SENP7: variants seen among roughly 807,000 people sequenced by gnomAD.
The protein encoded by SENP7 is sentrin-specific protease 7.
A neutral mutation model predicts 141.2 loss-of-function variants in SENP7; 64 were observed. The observed-to-expected ratio is 0.45, with a 90% CI of 0.37 to 0.56. The LOEUF is 0.56. Among genes scored for constraint, SENP7 ranks in the 20% least tolerant of loss-of-function variants. SENP7 has a pLI of 0.00. For synonymous variants in SENP7, 382 were observed against 426.4 expected, an observed-to-expected ratio of 0.90 and a Z score of 1.28; for missense variants, 1,025 against 1,212.2, an observed-to-expected ratio of 0.85 and a Z score of 2.29.
At chr3:101,448,043 G>A (rs144556136) in intron 4 of SENP7, among the ~76,000 whole-genome samples, 51 of 152,188 alleles carry the variant, frequency 3.4e-4, no homozygotes, top group African/African-American at 1.2e-3. Context: ...AATATCCAAA[G>A]GCAAAAATAT....
At chr3:101,477,345 G>C (rs2064259266) in intron 3 of SENP7, among the ~76,000 whole-genome samples, 1 of 152,122 alleles carries the variant, frequency 6.6e-6, no homozygotes, top group Non-Finnish European at 1.5e-5. Context: ...TGAATGACCA[G>C]AGTCAGGGAA....
At chr3:101,348,168 G>GAAA in intron 12 of SENP7, 117 bp from the exon 13 acceptor site, 1 of 648,322 alleles carries the variant, frequency 1.5e-6, no homozygotes, top group South Asian at 4.3e-5. Context: ...GAATTATATA[G>GAAA]TTTTTTCAAA....
At chr3:101,378,033 G>T (rs2060384397) in intron 6 of SENP7, among the ~76,000 whole-genome samples, 1 of 151,784 alleles carries the variant, frequency 6.6e-6, no homozygotes. Flanking sequence ...AGCATAAATG[G>T]GTTAAAAGAC....
At chr3:101,511,184 C>A (rs1232937275) in intron 1 of SENP7, among the ~76,000 whole-genome samples, 19 of 152,080 alleles carry the variant, frequency 1.2e-4, no homozygotes, top group Admixed American at 1.2e-3. Context: ...ATATAACTAA[C>A]GTAAATATCA....
intron 12 of SENP7, among the ~76,000 whole-genome samples, chr3:101,350,730 AAAT>A (rs2059592158): frequency 6.6e-6 from 1 of 152,002 alleles, no homozygotes; most frequent in African/African-American, 2.4e-5. Flanking sequence ...ATCTTTTCTG[AAAT>A]TATCATCCCC....
At chr3:101,488,090 C>T (rs527841087) in intron 3 of SENP7, among the ~76,000 whole-genome samples, 5 of 152,232 alleles carry the variant, frequency 3.3e-5, no homozygotes, top group African/African-American at 9.6e-5. Flanking sequence ...CCAATCCACG[C>T]GCATGGATTG....
chr3:101,468,927 C>A (rs1487165279), intron 3 of SENP7, among the ~76,000 whole-genome samples: 1 of 151,908 alleles, frequency 6.6e-6, no homozygotes, highest in Non-Finnish European at 1.5e-5. Flanking sequence ...TGGATAGAGT[C>A]ACTGATGGGA....
intron 3 of SENP7, among the ~76,000 whole-genome samples, chr3:101,473,894 C>A (rs1430889198): frequency 1.3e-5 from 2 of 152,094 alleles, no homozygotes; most frequent in Non-Finnish European, 2.9e-5. Flanking sequence ...TAATCCATCT[C>A]GAGCTAATTT....
At chr3:101,490,092 G>A (rs2064902336) in intron 3 of SENP7, among the ~76,000 whole-genome samples, 1 of 151,858 alleles carries the variant, frequency 6.6e-6, no homozygotes, top group Admixed American at 6.6e-5. Flanking sequence ...GCTGTGGTGG[G>A]AGAAATCGCT....
At chr3:101,422,925 C>T (rs966794457) in intron 4 of SENP7, among the ~76,000 whole-genome samples, 1 of 152,138 alleles carries the variant, frequency 6.6e-6, no homozygotes, top group South Asian at 2.1e-4. Flanking sequence ...TCAATGAATA[C>T]ATAAACATGA....
intron 6 of SENP7, among the ~76,000 whole-genome samples, chr3:101,397,234 C>T (rs868495817): frequency 9.9e-5 from 15 of 152,142 alleles, no homozygotes; most frequent in African/African-American, 2.9e-4. Context: ...TGGGCTCAAG[C>T]GATCCTCCCA....
chr3:101,441,918 T>A (rs1294156794), intron 4 of SENP7, among the ~76,000 whole-genome samples: 1 of 152,122 alleles, frequency 6.6e-6, no homozygotes, highest in African/African-American at 2.4e-5. Flanking sequence ...CATAAGACAA[T>A]AAGGACCTTG....
At position 101,332,007 on chromosome 3, in the gene SENP7, G is replaced by A. The variant is rs534905420; in HGVS notation, c.2676C>T (p.Ser892=). The A allele has an allele frequency of 6.2e-7, 1 of 1,612,974 alleles. No homozygotes were observed. The highest frequency in any genetic ancestry group is 1.3e-5 in the African/African-American group (1 of 74,874). ...CACCTATTGTTTTGTTGTCATTTTG[G>A]GACTGCTGAGCCTGGGACTGCTGGG... ...TVSQQSQAQQ[S]QNDNKTIDND... Residue 892 remains serine (S), a synonymous_variant, in exon 19 of 24, where the codon TCC becomes TCT. Transcript: ENST00000394095.
At chr3:101,490,201 A>G (rs1253880850) in intron 3 of SENP7, among the ~76,000 whole-genome samples, 1 of 151,842 alleles carries the variant, frequency 6.6e-6, no homozygotes, top group Non-Finnish European at 1.5e-5. Context: ...AAAAACAAAC[A>G]AACAAACAAA....
At chr3:101,420,886 C>A (rs2061772570) in intron 4 of SENP7, among the ~76,000 whole-genome samples, 1 of 152,070 alleles carries the variant, frequency 6.6e-6, no homozygotes, top group Non-Finnish European at 1.5e-5. Flanking sequence ...GGTGGGAACT[C>A]TTCTAGATTA....
intron 3 of SENP7, among the ~76,000 whole-genome samples, chr3:101,484,574 G>A (rs1479877860): frequency 6.6e-6 from 1 of 152,178 alleles, no homozygotes; most frequent in Non-Finnish European, 1.5e-5. Flanking sequence ...CTGCGGAAGT[G>A]GGAAAGGGAG....
chr3:101,412,539 CG>C (rs2061485041), intron 5 of SENP7, among the ~76,000 whole-genome samples: 1 of 151,916 alleles, frequency 6.6e-6, no homozygotes, highest in Non-Finnish European at 1.5e-5. Context: ...ATCTGGAATA[CG>C]TAATTCTTTT....
intron 5 of SENP7, among the ~76,000 whole-genome samples, chr3:101,409,129 C>T (rs1447267429): frequency 6.6e-6 from 1 of 152,150 alleles, no homozygotes; most frequent in Non-Finnish European, 1.5e-5. Context: ...CTCTTCTATA[C>T]ACCAACAGCG....
chr3:101,375,264 C>T (rs1008892186), intron 6 of SENP7, among the ~76,000 whole-genome samples: 3 of 152,022 alleles, frequency 2.0e-5, no homozygotes, highest in Admixed American at 6.6e-5. Flanking sequence ...AAACACAGGC[C>T]GAGCACAGTG....
Sources: allele counts gnomAD v4.1 joint callset (sites outside exome capture counted in the v4.1 genomes callset), GRCh38; gene constraint gnomAD v4.1.1; transcripts MANE v1.5; gene names NCBI Gene and HGNC (gene_info 2026-07-23, HGNC 2026-07-21).